ANTXRL: variants seen among roughly 807,000 people sequenced by gnomAD.
ANTXRL encodes anthrax toxin receptor-like.
In ANTXRL, 63 loss-of-function variants were observed where a neutral mutation model predicts 75.4. That is an observed-to-expected ratio of 0.84 (90% CI 0.68 to 1.03). The LOEUF (loss-of-function observed/expected upper bound fraction) is 1.03. Ranked by LOEUF, ANTXRL falls within the 50% of genes least tolerant of loss-of-function variation. The pLI, the probability that ANTXRL is intolerant of heterozygous loss-of-function variation, is 0.00. For missense variants in ANTXRL, 797 were observed against 789.4 expected, an observed-to-expected ratio of 1.01 and a Z score of -0.12; for synonymous variants, 335 against 291.3, an observed-to-expected ratio of 1.15 and a Z score of -1.53.
At chr10:46,303,129 C>T (rs1837857488) in intron 10 of ANTXRL, among the ~76,000 whole-genome samples, 1 of 152,196 alleles carries the variant, frequency 6.6e-6, no homozygotes, top group South Asian at 2.1e-4. Flanking sequence ...GCCTCAGTTT[C>T]CCCTTCCCTT....
chr10:46,293,372 C>T (rs1281609441), intron 2 of ANTXRL, among the ~76,000 whole-genome samples: 1 of 106,806 alleles, frequency 9.4e-6, no homozygotes, highest in African/African-American at 3.9e-5. Context: ...GTGAGTGTGC[C>T]TGTGTGTGAG....
intron 14 of ANTXRL, 43 bp from the exon 15 acceptor site, chr10:46,311,466 GC>G: frequency 1.3e-6 from 2 of 1,496,806 alleles, no homozygotes; most frequent in Middle Eastern, 1.7e-4. Flanking sequence ...CCAGCACTGT[GC>G]CCTGCCAGCA....
In ANTXRL at chr10:46,293,911, C is replaced by T. The variant is rs1554957713; in HGVS notation, c.392+11C>T. 3 of 1,535,094 alleles carry T rather than the reference C, an allele frequency of 2.0e-6. No individual in the cohort carries two copies. Among genetic ancestry groups the T allele is most frequent in the Non-Finnish European group, 2.6e-6 (3 of 1,146,262 alleles). ...ACTCACCTCAGACAAGTGAGTGCTG[C>T]TTTGAGCCCCAAAGGGAGGCCTGAT... On this transcript the variant is annotated intron_variant, in intron 3 of 16. Transcript: ENST00000620264.
intron 10 of ANTXRL, among the ~76,000 whole-genome samples, chr10:46,306,064 G>T (rs4073427): frequency 6.6e-6 from 1 of 151,834 alleles, no homozygotes; most frequent in Non-Finnish European, 1.5e-5. Context: ...CCTGTCCTGG[G>T]TCACCTCTTT....
chr10:46,296,893 C>T (rs1182688597), intron 5 of ANTXRL, among the ~76,000 whole-genome samples: 1 of 152,168 alleles, frequency 6.6e-6, no homozygotes, highest in Non-Finnish European at 1.5e-5. Flanking sequence ...GCAGCTCCTC[C>T]CTCTGCCCGT....
Position 46,303,563 on chromosome 10 carries a change from G to GCTCA in ANTXRL, c.895+744_895+747dup, listed in dbSNP as rs547217873. Among the ~76,000 whole-genome samples the GCTCA allele has an allele frequency of 3.2e-4, 49 of 152,286 alleles. 1 individual carries two copies. The highest frequency in any genetic ancestry group is 2.3e-3 in the Admixed American group (35 of 15,294). ...CATTTCTTTCGAACATCATGTTGGTGCTCAAGAAATGTCAGATTTTGAAGG... is the reference window on the plus strand; with the variant it reads ...CATTTCTTTCGAACATCATGTTGGTGCTCACTCAAGAAATGTCAGATTTTGAAGG... On this transcript the variant is annotated intron_variant, in intron 10 of 16. Coordinates refer to ENST00000620264, the MANE Select transcript of ANTXRL (RefSeq NM_001278688.3).
intron 10 of ANTXRL, among the ~76,000 whole-genome samples, chr10:46,305,307 G>C (rs1258392706): frequency 6.6e-6 from 1 of 152,174 alleles, no homozygotes; most frequent in African/African-American, 2.4e-5. Flanking sequence ...TGCAATTTTT[G>C]ACAACTGAAA....
chr10:46,291,458 T>G (rs1241036489), intron 1 of ANTXRL, among the ~76,000 whole-genome samples: 4 of 147,924 alleles, frequency 2.7e-5, no homozygotes, highest in Non-Finnish European at 1.5e-5. Flanking sequence ...CAAATTTTTT[T>G]ATTTCTGCAA....
chr10:46,322,790 T>C (rs1554965839), intron 16 of ANTXRL, among the ~76,000 whole-genome samples: 1 of 152,204 alleles, frequency 6.6e-6, no homozygotes, highest in African/African-American at 2.4e-5. Context: ...TTGCAGTGTT[T>C]ACTGAGTAGG....
intron 1 of ANTXRL, among the ~76,000 whole-genome samples, chr10:46,290,687 G>A (rs1554956222): frequency 6.6e-6 from 1 of 152,178 alleles, no homozygotes; most frequent in Non-Finnish European, 1.5e-5. Context: ...GACTAGTGAT[G>A]TGGAGCATCT....
chr10:46,306,417 C>T (rs1161127189), intron 10 of ANTXRL, among the ~76,000 whole-genome samples: 1 of 152,168 alleles, frequency 6.6e-6, no homozygotes, highest in Admixed American at 6.5e-5. Flanking sequence ...AATTGTGGCT[C>T]TACAAGATAG....
At chr10:46,297,595 TG>T in intron 7 of ANTXRL, 121 bp downstream of exon 7, 1 of 1,015,584 alleles carries the variant, frequency 9.8e-7, no homozygotes, top group Non-Finnish European at 1.4e-6. Flanking sequence ...GGCCAACTCA[TG>T]GCCACTGCAG....
chr10:46,297,295 G>T lies in ANTXRL; in HGVS notation c.552G>T (p.Leu184=). 6.5e-7 allele frequency: 1 copy of T among 1,536,512 alleles called. No individual in the cohort carries two copies. The highest frequency in any genetic ancestry group is 8.7e-7 in the Non-Finnish European group (1 of 1,146,880). Reference sequence around the variant, plus strand: ...TTATTGCTATGACTGATGGAGAACTGGTGGCACATGCATTTCAGGACACTC... The same window carrying T: ...TTATTGCTATGACTGATGGAGAACTTGTGGCACATGCATTTCAGGACACTC... The part of the protein sequence containing the change: ...SMIIAMTDGE[L]VAHAFQDTLR... Residue 184 remains leucine (L), a synonymous_variant, in exon 6 of 17, where the codon CTG becomes CTT. Transcript: ENST00000620264.
In ANTXRL at chr10:46,311,511, A is replaced by G; in HGVS notation, c.1175A>G (p.Glu392Gly). 1.3e-6 allele frequency: 2 copies of G among 1,530,186 alleles called. No homozygotes were observed. The highest frequency in any genetic ancestry group is 1.7e-6 in the Non-Finnish European group (2 of 1,143,930). 94.8% of individuals were successfully genotyped at this position (1,530,186 alleles called of 1,614,324 possible). A position where few individuals can be genotyped will look rare whatever the true frequency, so the allele number is the denominator to read the frequency against. ...AGACAGTTGTTTTTCTTTTTTTAGG[A>G]GCCAGAGCAGGAAAAACCACCATCA... ...EPPPVQKPEK[E>G]PEQEKPPSPP... is the part of the protein sequence containing the mutation. The change falls in exon 15 of 17, where the codon GAG becomes GGG. Residue 392 changes from glutamate to glycine, a missense_variant and splice_region_variant. Transcript: ENST00000620264.
intron 16 of ANTXRL, among the ~76,000 whole-genome samples, chr10:46,314,586 C>G (rs1371573238): frequency 6.6e-6 from 1 of 151,742 alleles, no homozygotes; most frequent in Non-Finnish European, 1.5e-5. Flanking sequence ...TGGAGCAAGT[C>G]GCTGAAATTG....
At chr10:46,315,248 C>G (rs1235855369) in intron 16 of ANTXRL, among the ~76,000 whole-genome samples, 1 of 152,238 alleles carries the variant, frequency 6.6e-6, no homozygotes, top group Non-Finnish European at 1.5e-5. Context: ...CTCAGAGACA[C>G]TGGGAATGTG....
At chr10:46,293,509 G>GTGTGTGCACC (rs1554957412) in intron 2 of ANTXRL, among the ~76,000 whole-genome samples, 1 of 116,378 alleles carries the variant, frequency 8.6e-6, no homozygotes, top group Non-Finnish European at 2.0e-5. Flanking sequence ...GTGTGCACCT[G>GTGTGTGCACC]TGTGTGTGTG....
At chr10:46,313,191 A>C in intron 15 of ANTXRL, 45 bp from the exon 16 acceptor site, 1 of 1,491,872 alleles carries the variant, frequency 6.7e-7, no homozygotes, top group Non-Finnish European at 9.0e-7. Flanking sequence ...TTCTGGAGGC[A>C]GTGTCCAAGC....
In ANTXRL at chr10:46,287,526, A is replaced by G; in HGVS notation, c.248+16A>G. ...TCTTGGACAAGTGAGTGTCCCTTCT[A>G]GCTCTGGCCCTGGGTCACCCTCAGG... On this transcript the variant is annotated intron_variant, in intron 1 of 16. Coordinates refer to ENST00000620264, the MANE Select transcript of ANTXRL (RefSeq NM_001278688.3). 6.5e-7 allele frequency: 1 copy of G among 1,530,976 alleles called. No individual in the cohort carries two copies. The highest frequency in any genetic ancestry group is 1.2e-5 in the South Asian group (1 of 83,570). 94.8% of individuals were successfully genotyped at this position (1,530,976 alleles called of 1,614,324 possible). A position where few individuals can be genotyped will look rare whatever the true frequency, so the allele number is the denominator to read the frequency against.
Sources: gnomAD v4.1 joint callset for allele counts (sites outside exome capture counted in the v4.1 genomes callset) on GRCh38, gnomAD v4.1.1 for gene constraint, MANE v1.5 for transcripts, NCBI Gene and HGNC (gene_info 2026-07-23, HGNC 2026-07-21) for gene names.